The following HEATR4 variants were observed in gnomAD, a reference collection of about 807,000 sequenced individuals.
The protein encoded by HEATR4 is HEAT repeat containing 4, also known as HEAT repeat-containing protein 4.
A neutral mutation model predicts 108.8 loss-of-function variants in HEATR4; 95 were observed. The ratio of observed to expected loss-of-function variants is 0.87; its 90% CI spans 0.74 to 1.04. HEATR4 has a LOEUF of 1.04. Ranked by LOEUF, HEATR4 falls within the 50% of genes least tolerant of loss-of-function variation. HEATR4 has a pLI of 0.00. For synonymous variants in HEATR4, 443 were observed against 459.4 expected (o/e 0.96, Z 0.46); for missense variants, 1,152 against 1,253.8 (o/e 0.92, Z 1.23).
At chr14:73,488,548 G>A (rs1395296112) in intron 17 of HEATR4, among the ~76,000 whole-genome samples, 1 of 151,992 alleles carries the variant, frequency 6.6e-6, no homozygotes, top group Non-Finnish European at 1.5e-5. Context: ...GGGATTACAG[G>A]CATGAGCTTG....
the HEATR4 span, chr14:73,595,756 T>G: frequency 7.5e-7 from 1 of 1,339,278 alleles, no homozygotes; most frequent in Admixed American, 2.5e-5. Context: ...AAGCCATGTC[T>G]TTGTCATTAA....
At chr14:73,508,649 C>T (rs929712982) in intron 8 of HEATR4, among the ~76,000 whole-genome samples, 25 of 148,282 alleles carry the variant, frequency 1.7e-4, no homozygotes, top group Admixed American at 2.8e-4. Flanking sequence ...CTTGGGAAGC[C>T]GAGGCAGGAG....
In HEATR4 at chr14:73,492,505, T is replaced by C. The variant is rs777747961; in HGVS notation, c.2844+561A>G. On this transcript the variant is annotated intron_variant, in intron 17 of 17. Coordinates refer to ENST00000553558, the MANE Select transcript of HEATR4 (RefSeq NM_001220484.1). The surrounding 1 kb of genome is among the most constrained non-coding windows in gnomAD (Gnocchi z 4.9). ...TGGGACACTTTGCTCCTGTTGATGC[T>C]GTGGCCGACCAGCGAGCCAAAGACT... 3 of 1,613,522 alleles carry C rather than the reference T, an allele frequency of 1.9e-6. No individual in the cohort carries two copies. Among genetic ancestry groups the C allele is most frequent in the Non-Finnish European group, 2.5e-6 (3 of 1,179,742 alleles).
the HEATR4 span, chr14:73,619,418 T>C: frequency 1.2e-6 from 2 of 1,614,176 alleles, no homozygotes; most frequent in Non-Finnish European, 1.7e-6. Flanking sequence ...CTAGGAAAAG[T>C]AAAAATCACT....
At chr14:73,629,046 A>G in the HEATR4 span, among the ~76,000 whole-genome samples, 1 of 142,682 alleles carries the variant, frequency 7.0e-6, no homozygotes, top group South Asian at 2.4e-4. Context: ...CAAGAGCGAG[A>G]GTATGTTCCC....
chr14:73,511,923 A>G, intron 7 of HEATR4, 83 bp downstream of exon 7: 2 of 1,547,208 alleles, frequency 1.3e-6, no homozygotes, highest in Middle Eastern at 2.3e-4. Flanking sequence ...GATCTCAGAT[A>G]AGCCCTGGGT....
intron 2 of HEATR4, among the ~76,000 whole-genome samples, chr14:73,528,411 A>AAAC (rs1430608302): frequency 6.7e-6 from 1 of 148,628 alleles, no homozygotes; most frequent in African/African-American, 2.4e-5. Context: ...AAAAAAAAAA[A>AAAC]AAACTTAAGG....
At chr14:73,612,459 T>C in the HEATR4 span, 4 of 692,262 alleles carry the variant, frequency 5.8e-6, no homozygotes, top group African/African-American at 5.6e-5. Flanking sequence ...GTCCAACCAA[T>C]GGGAGTAGTG....
intron 6 of HEATR4, among the ~76,000 whole-genome samples, chr14:73,513,781 G>GCA (rs1887419570): frequency 6.9e-6 from 1 of 143,972 alleles, no homozygotes; most frequent in Admixed American, 7.2e-5. Context: ...TGAAGAGTCT[G>GCA]CAGTGTAATA....
rs764926521 is a variant in HEATR4 at position 73,522,397 on chromosome 14, A to T, written c.756T>A (p.Ser252=). 5.6e-6 allele frequency: 9 copies of T among 1,614,122 alleles called. No individual in the cohort carries two copies. The highest frequency in any genetic ancestry group is 7.6e-6 in the Non-Finnish European group (9 of 1,180,046). ...GTTTCAGGAGCTCCAGGTCACTGGC[A>T]GAGGTAAGCTCATCCCGAATGTGAC... ...DWSHIRDELT[S]ASDLELLKQL... Residue 252 remains serine (S), a synonymous_variant, in exon 3 of 18, where the codon TCT becomes TCA. Transcript: ENST00000553558.
At chr14:73,563,320 C>T (rs147201454), upstream of HEATR4, among the ~76,000 whole-genome samples, 3 of 152,142 alleles carry the variant, frequency 2.0e-5, no homozygotes, top group East Asian at 1.9e-4. Flanking sequence ...CTGGGCCAGA[C>T]GCAGTGGCTC....
the HEATR4 span, chr14:73,612,713 G>A: frequency 7.2e-7 from 1 of 1,382,384 alleles, no homozygotes; most frequent in Non-Finnish European, 9.3e-7. Context: ...GCTCTTCCGG[G>A]CCCACGCGCG....
chr14:73,595,862 A>T, the HEATR4 span: 1 of 473,106 alleles, frequency 2.1e-6, no homozygotes, highest in Non-Finnish European at 3.4e-6. Context: ...TATGACACAT[A>T]TAAGTGAAAA....
At chr14:73,499,200 G>T (rs549610155) in intron 12 of HEATR4, 60 bp from the exon 13 acceptor site, 4 of 1,445,060 alleles carry the variant, frequency 2.8e-6, no homozygotes, top group Non-Finnish European at 3.9e-6. Context: ...ACCAGAAACA[G>T]CTGGGTGCGG....
intron 9 of HEATR4, among the ~76,000 whole-genome samples, chr14:73,507,531 T>C (rs1253903086): frequency 6.6e-6 from 1 of 152,046 alleles, no homozygotes; most frequent in African/African-American, 2.4e-5. Flanking sequence ...CCTGCCAGGC[T>C]CAAGTGATCC....
chr14:73,589,149 G>C, the HEATR4 span, among the ~76,000 whole-genome samples: 2 of 151,908 alleles, frequency 1.3e-5, no homozygotes, highest in Non-Finnish European at 2.9e-5. Flanking sequence ...TACAGTTTTG[G>C]ACAAATGTAT....
chr14:73,557,403 C>G lies in HEATR4; in HGVS notation c.-152+1348G>C, dbSNP rs1889416145. 1.9e-5 allele frequency among the ~76,000 whole-genome samples: 2 copies of G among 104,292 alleles called. 1 individual carries two copies. The highest frequency in any genetic ancestry group is 6.2e-4 in the South Asian group (2 of 3,218). 68.4% of individuals were successfully genotyped at this position (104,292 alleles called of 152,430 possible). A position where few individuals can be genotyped will look rare whatever the true frequency, so the allele number is the denominator to read the frequency against. ...TTCTGTTTGCTTATCAGTCGCTTAC[C>G]CTCACCCTCTGGTCTGATACCTTTA... On this transcript the variant is annotated intron_variant, in intron 1 of 17. Coordinates refer to ENST00000553558, the MANE Select transcript of HEATR4 (RefSeq NM_001220484.1).
At chr14:73,592,461 G>C in the HEATR4 span, 15 of 1,452,914 alleles carry the variant, frequency 1.0e-5, no homozygotes, top group African/African-American at 1.4e-5. Flanking sequence ...AGTGGCCTGA[G>C]TCTCCGTTTG....
chr14:73,497,137 C>G (rs1323071524), intron 14 of HEATR4, among the ~76,000 whole-genome samples: 1 of 152,204 alleles, frequency 6.6e-6, no homozygotes, highest in East Asian at 1.9e-4. Context: ...CTCAGGTGAT[C>G]CACCCGCCTT....
Sources: allele counts gnomAD v4.1 joint callset (sites outside exome capture counted in the v4.1 genomes callset), GRCh38; gene constraint gnomAD v4.1.1; non-coding constraint Gnocchi (gnomAD v3.1); transcripts MANE v1.5; gene names NCBI Gene and HGNC (gene_info 2026-07-23, HGNC 2026-07-21).